DCBLD1: variants seen among roughly 807,000 people sequenced by gnomAD.
DCBLD1 encodes discoidin, CUB and LCCL domain-containing protein 1.
In DCBLD1, 57 loss-of-function variants were observed where a neutral mutation model predicts 71.5. The observed-to-expected ratio is 0.80, with a 90% CI of 0.64 to 0.99. The LOEUF (loss-of-function observed/expected upper bound fraction) is 0.99, where lower values mean the gene tolerates loss of function less well. DCBLD1 is among the 50% of genes least tolerant of loss of function. The pLI is 0.00. For missense variants in DCBLD1, 891 were observed against 923.5 expected (o/e 0.96, Z 0.46); for synonymous variants, 380 against 363.8 (o/e 1.04, Z -0.51).
chr6:117,515,175 A>G (rs1171874872), intron 2 of DCBLD1, among the ~76,000 whole-genome samples: 2 of 152,026 alleles, frequency 1.3e-5, no homozygotes, highest in Non-Finnish European at 2.9e-5. Flanking sequence ...ACCCACCACC[A>G]TGCTCGGCTA....
At chr6:117,528,601 C>T (rs771162316) in intron 5 of DCBLD1, among the ~76,000 whole-genome samples, 3 of 152,208 alleles carry the variant, frequency 2.0e-5, no homozygotes, top group Non-Finnish European at 4.4e-5. Flanking sequence ...GTTTGGCCAT[C>T]ATTTATGGCT....
intron 5 of DCBLD1, among the ~76,000 whole-genome samples, chr6:117,525,645 A>C (rs1778526110): frequency 1.3e-5 from 2 of 152,318 alleles, no homozygotes; most frequent in Admixed American, 6.5e-5. Flanking sequence ...CTTACTATAA[A>C]TGAAATGAAA....
At chr6:117,491,175 T>C (rs189560725) in intron 1 of DCBLD1, among the ~76,000 whole-genome samples, 39 of 152,330 alleles carry the variant, frequency 2.6e-4, no homozygotes, top group Admixed American at 6.5e-4. Flanking sequence ...TAAAATGTGG[T>C]TGATTTCAGC....
chr6:117,519,671 C>G, intron 2 of DCBLD1, 145 bp from the exon 3 acceptor site: 1 of 1,105,934 alleles, frequency 9.0e-7, no homozygotes, highest in Non-Finnish European at 1.2e-6. Flanking sequence ...GTCTGAGCGT[C>G]AAGCTAAATT....
At chr6:117,497,192 CA>C (rs937697327) in intron 1 of DCBLD1, among the ~76,000 whole-genome samples, 1 of 151,830 alleles carries the variant, frequency 6.6e-6, no homozygotes, top group South Asian at 2.1e-4. Flanking sequence ...GACTCCGTCT[CA>C]AAAAAAATTT....
rs1779369774 is a variant in DCBLD1, at chr6:117,548,900, TAGC to T, written c.*467_*469del. The T allele has an allele frequency of 3.0e-6, 3 of 999,790 alleles. No homozygotes were observed. The highest frequency in any genetic ancestry group is 3.5e-5 in the African/African-American group (2 of 57,358). 61.9% of individuals were successfully genotyped at this position (999,790 alleles called of 1,614,324 possible). ...TTCAGTATATTATCTGATACTGTGT[TAGC>T]AGCAGGTCTGCTTAAACCTAGTCTT... On this transcript the variant is annotated 3_prime_UTR_variant, in exon 15 of 15. Coordinates refer to ENST00000338728, the MANE Select transcript of DCBLD1 (RefSeq NM_001366458.2).
chr6:117,512,347 A>G (rs929651155), intron 2 of DCBLD1, among the ~76,000 whole-genome samples: 3 of 152,154 alleles, frequency 2.0e-5, no homozygotes, highest in Non-Finnish European at 4.4e-5. Context: ...CAGGGATACC[A>G]CTTACTGTTA....
At chr6:117,539,051 T>G in intron 8 of DCBLD1, 2 of 697,850 alleles carry the variant, frequency 2.9e-6, no homozygotes, top group Non-Finnish European at 4.7e-6. Flanking sequence ...AGATAATTCT[T>G]CAATGGTGAA....
chr6:117,512,671 T>C (rs975604987), intron 2 of DCBLD1, among the ~76,000 whole-genome samples: 3 of 152,162 alleles, frequency 2.0e-5, no homozygotes, highest in Non-Finnish European at 4.4e-5. Context: ...CACCCACATG[T>C]ACTCCCAGGG....
intron 6 of DCBLD1, among the ~76,000 whole-genome samples, chr6:117,534,912 G>A (rs74739523): frequency 0.01 from 1,542 of 151,978 alleles, 29 homozygotes; most frequent in East Asian, 0.072. Context: ...TTTTTATTTT[G>A]GGGGGAGTAG....
rs1480822761 is a variant in DCBLD1 at position 117,511,486 on chromosome 6, T to A, written c.325+7507T>A. 2.6e-5 allele frequency among the ~76,000 whole-genome samples: 4 copies of A among 152,252 alleles called. No homozygotes were observed. In the East Asian group the frequency reaches 7.7e-4, roughly 29 times the overall value. On this transcript the variant is annotated intron_variant, in intron 2 of 14. Coordinates refer to ENST00000338728, the MANE Select transcript of DCBLD1 (RefSeq NM_001366458.2). ...GTACCTCCACTTCCAATCACAATATTTTTTTAAGCATTGTCAGTGACTTAG... is the reference window on the plus strand; with the variant it reads ...GTACCTCCACTTCCAATCACAATATATTTTTAAGCATTGTCAGTGACTTAG...
At chr6:117,513,402 G>A (rs1047874206) in intron 2 of DCBLD1, among the ~76,000 whole-genome samples, 1 of 152,204 alleles carries the variant, frequency 6.6e-6, no homozygotes, top group African/African-American at 2.4e-5. Flanking sequence ...GGAGTCTCAT[G>A]TCTGGTGCCA....
chr6:117,542,951 G>T (rs907047229), intron 11 of DCBLD1, among the ~76,000 whole-genome samples, 173 bp from the exon 12 acceptor site: 1 of 152,190 alleles, frequency 6.6e-6, no homozygotes, highest in African/African-American at 2.4e-5. Context: ...ACTTTAGCCA[G>T]GATTTTGAAT....
chr6:117,522,758 T>C (rs1363499121), intron 4 of DCBLD1, among the ~76,000 whole-genome samples: 1 of 152,182 alleles, frequency 6.6e-6, no homozygotes, highest in South Asian at 2.1e-4. Flanking sequence ...GTGCTCGATA[T>C]AGCTGTCTGC....
At chr6:117,563,509 G>A in intron 14 of DCBLD1, 2 of 847,356 alleles carry the variant, frequency 2.4e-6, no homozygotes, top group South Asian at 1.6e-5. Flanking sequence ...ATAACCTGAG[G>A]TTAGGGGTTC....
chr6:117,549,369 C>G lies in DCBLD1; in HGVS notation c.*930C>G. On this transcript the variant is annotated 3_prime_UTR_variant, in exon 15 of 15. Coordinates refer to ENST00000338728, the MANE Select transcript of DCBLD1 (RefSeq NM_001366458.2). The stretch of plus-strand genomic sequence containing the variant: ...AAAGTGATTCTGACCAAGTCTAAAT[C>G]GAGCTTTTCTACTGACATGAAACTG... 2 of 985,410 alleles carry G rather than the reference C, an allele frequency of 2.0e-6. No homozygotes were observed. Among genetic ancestry groups the G allele is most frequent in the South Asian group, 4.7e-5 (1 of 21,288 alleles). The allele number at this position is 985,410 out of a possible 1,614,324, so 61.0% of individuals were successfully genotyped here. A position where few individuals can be genotyped will look rare whatever the true frequency, so the allele number is the denominator to read the frequency against.
downstream of DCBLD1, among the ~76,000 whole-genome samples, chr6:117,552,527 CT>C (rs1779445223): frequency 6.6e-6 from 1 of 152,070 alleles, no homozygotes; most frequent in African/African-American, 2.4e-5. Flanking sequence ...AAAGCTCTCC[CT>C]TTTTTTCTCA....
chr6:117,563,192 T>C (rs1418358044), intron 14 of DCBLD1: 1 of 1,498,650 alleles, frequency 6.7e-7, no homozygotes, highest in Non-Finnish European at 9.2e-7. Flanking sequence ...TGTCACCATC[T>C]TCCCCAGTGC....
intron 1 of DCBLD1, among the ~76,000 whole-genome samples, chr6:117,486,856 G>A (rs1777104307): frequency 1.3e-5 from 2 of 152,212 alleles, no homozygotes; most frequent in East Asian, 1.9e-4. Flanking sequence ...AGCAGGATGT[G>A]AGCAACAGGT....
Sources: allele counts gnomAD v4.1 joint callset (sites outside exome capture counted in the v4.1 genomes callset), GRCh38; gene constraint gnomAD v4.1.1; transcripts MANE v1.5; gene names NCBI Gene and HGNC (gene_info 2026-07-23, HGNC 2026-07-21).